Variants in CNTLN observed in about 807,000 individuals in gnomAD.
The protein encoded by CNTLN is centlein, centrosomal protein.
Under a neutral mutation model 180.0 loss-of-function variants are expected in CNTLN, and 212 were observed. That is an observed-to-expected ratio of 1.18 (90% CI 1.05 to 1.32). The LOEUF (loss-of-function observed/expected upper bound fraction) is 1.32, where lower values mean the gene tolerates loss of function less well. Among genes scored for constraint, CNTLN ranks in the 40% most tolerant of loss-of-function variants. The pLI is 0.00. For missense variants in CNTLN, 2,095 were observed against 1,610.9 expected (o/e 1.30, Z -5.14); for synonymous variants, 722 against 563.1 (o/e 1.28, Z -3.99).
intron 3 of CNTLN, among the ~76,000 whole-genome samples, chr9:17,232,116 TC>T (rs1266326822): frequency 6.6e-6 from 1 of 152,058 alleles, no homozygotes; most frequent in Non-Finnish European, 1.5e-5. Context: ...ACTGTATATG[TC>T]TGTGCTTTCA....
chr9:17,158,074 T>G (rs1055034028), intron 2 of CNTLN, among the ~76,000 whole-genome samples: 1 of 152,236 alleles, frequency 6.6e-6, no homozygotes, highest in Non-Finnish European at 1.5e-5. Flanking sequence ...TATTCTGAAA[T>G]CCAAAATTTG....
chr9:17,295,969 TGAGAGAGAGA>T (rs113148833), intron 6 of CNTLN, among the ~76,000 whole-genome samples: 6 of 119,808 alleles, frequency 5.0e-5, no homozygotes, highest in East Asian at 2.5e-4. Context: ...TACTCTTCAG[TGAGAGAGAGA>T]GAGAGAGAGA....
intron 8 of CNTLN, among the ~76,000 whole-genome samples, chr9:17,320,004 T>A (rs1206982316): frequency 3.9e-5 from 6 of 152,190 alleles, no homozygotes; most frequent in Admixed American, 2.6e-4. Flanking sequence ...TCAAAGCGAT[T>A]GTTTATCTTT....
intron 18 of CNTLN, among the ~76,000 whole-genome samples, chr9:17,437,372 T>G (rs1179614287): frequency 6.6e-6 from 1 of 152,220 alleles, no homozygotes; most frequent in Non-Finnish European, 1.5e-5. Flanking sequence ...AATATTAATA[T>G]GAGAATATGT....
intron 6 of CNTLN, among the ~76,000 whole-genome samples, chr9:17,281,703 T>A (rs1216687942): frequency 1.3e-5 from 2 of 152,190 alleles, no homozygotes; most frequent in African/African-American, 4.8e-5. Context: ...GCATTTGGGT[T>A]GATTCAATGT....
chr9:17,199,234 C>T (rs1418685173), intron 2 of CNTLN, among the ~76,000 whole-genome samples: 1 of 104,238 alleles, frequency 9.6e-6, no homozygotes, highest in Non-Finnish European at 1.8e-5. Flanking sequence ...TTTTTTGAGA[C>T]AGAGTCTTGC....
intron 24 of CNTLN, 32 bp downstream of exon 24, chr9:17,484,512 G>A (rs990042400): frequency 2.7e-5 from 41 of 1,519,512 alleles, no homozygotes; most frequent in Non-Finnish European, 3.5e-5. Context: ...TTATTAAAGG[G>A]TTTATTATAC....
rs369063626 is a variant in CNTLN, at chr9:17,285,329, C to T, written c.983+11463C>T. Among the ~76,000 whole-genome samples, 2,453 of 148,990 alleles carry T rather than the reference C, an allele frequency of 0.016. 85 individuals are homozygous for T. In the East Asian group the frequency reaches 0.22, roughly 13 times the overall value. On this transcript the variant is annotated intron_variant, in intron 6 of 25. Transcript: ENST00000380647. ...TTCATCCATGTCCCTACAAAGGACA[C>T]GAACTCATCATTTTTTATGGCTGCA...
At chr9:17,239,154 G>T (rs1210456402) in intron 5 of CNTLN, among the ~76,000 whole-genome samples, 1 of 151,990 alleles carries the variant, frequency 6.6e-6, no homozygotes, top group Non-Finnish European at 1.5e-5. Flanking sequence ...TTCTCCTCCC[G>T]AGAAGAGGCA....
intron 7 of CNTLN, chr9:17,299,002 G>T (rs1818152099): frequency 2.3e-6 from 2 of 888,362 alleles, no homozygotes; most frequent in African/African-American, 3.6e-5. Context: ...CCAGCACTTT[G>T]GGAGGCTGAG....
At chr9:17,267,259 G>T (rs1827539823) in intron 5 of CNTLN, among the ~76,000 whole-genome samples, 2 of 152,082 alleles carry the variant, frequency 1.3e-5, no homozygotes, top group Non-Finnish European at 1.5e-5. Context: ...CTCAGCATTT[G>T]TTTGTCTGTA....
chr9:17,270,858 C>T (rs1391722049), intron 5 of CNTLN, among the ~76,000 whole-genome samples: 1 of 150,134 alleles, frequency 6.7e-6, no homozygotes, highest in Non-Finnish European at 1.5e-5. Context: ...TCGCATGGCT[C>T]AAAACTGAAC....
chr9:17,237,511 A>G (rs527963786), intron 5 of CNTLN, among the ~76,000 whole-genome samples: 1 of 152,192 alleles, frequency 6.6e-6, no homozygotes, highest in East Asian at 1.9e-4. Context: ...AAGTAACAAT[A>G]CAATAATTAA....
intron 2 of CNTLN, among the ~76,000 whole-genome samples, chr9:17,203,577 G>T (rs969896317): frequency 3.3e-5 from 5 of 151,896 alleles, no homozygotes; most frequent in Admixed American, 6.6e-5. Context: ...TGTTTTTTGA[G>T]ACAGAGTCTC....
chr9:17,520,829 C>T, the CNTLN span, among the ~76,000 whole-genome samples: 1 of 152,104 alleles, frequency 6.6e-6, no homozygotes, highest in Non-Finnish European at 1.5e-5. Flanking sequence ...TGCTAGTGGT[C>T]AGGGCAGCAT....
intron 16 of CNTLN, among the ~76,000 whole-genome samples, chr9:17,414,548 C>T (rs571265711): frequency 1.3e-5 from 2 of 151,952 alleles, no homozygotes; most frequent in South Asian, 4.2e-4. Flanking sequence ...TATGCCAGTT[C>T]TGAAGATAAG....
the CNTLN span, among the ~76,000 whole-genome samples, chr9:17,523,664 A>G: frequency 6.6e-6 from 1 of 152,196 alleles, no homozygotes; most frequent in Non-Finnish European, 1.5e-5. Flanking sequence ...TTTTTATTTA[A>G]CGGTAGAACT....
intron 12 of CNTLN, among the ~76,000 whole-genome samples, chr9:17,357,048 G>T (rs1272272994): frequency 6.6e-6 from 1 of 151,952 alleles, no homozygotes; most frequent in Non-Finnish European, 1.5e-5. Context: ...GTCTCTTTCT[G>T]CTTTCTGTCT....
intron 8 of CNTLN, among the ~76,000 whole-genome samples, chr9:17,325,438 T>G (rs1279483688): frequency 6.6e-6 from 1 of 150,578 alleles, no homozygotes. Flanking sequence ...AATTATATAC[T>G]CTGTTGTATT....
Sources: gnomAD v4.1 joint callset for allele counts (sites outside exome capture counted in the v4.1 genomes callset) on GRCh38, gnomAD v4.1.1 for gene constraint, MANE v1.5 for transcripts, NCBI Gene and HGNC (gene_info 2026-07-23, HGNC 2026-07-21) for gene names.